CTNND2: variants seen among roughly 807,000 people sequenced by gnomAD.
The protein encoded by CTNND2 is catenin delta-2.
A neutral mutation model predicts 144.4 loss-of-function variants in CTNND2; 22 were observed. The ratio of observed to expected loss-of-function variants is 0.15; its 90% CI spans 0.11 to 0.22. The LOEUF (loss-of-function observed/expected upper bound fraction) is 0.22. CTNND2 is among the 10% of genes least tolerant of loss of function. CTNND2 has a pLI of 1.00. For missense variants in CTNND2, 1,353 were observed against 1,618.8 expected (o/e 0.84, Z 2.82); for synonymous variants, 751 against 695.6 (o/e 1.08, Z -1.25).
intron 10 of CTNND2, among the ~76,000 whole-genome samples, chr5:11,223,464 C>A (rs1190172558): frequency 6.6e-6 from 1 of 152,156 alleles, no homozygotes; most frequent in East Asian, 1.9e-4. Context: ...ATCCTTAGGC[C>A]CCATCTTCCC....
Position 11,238,065 on chromosome 5 carries a change from GTTTAAAATA to G in CTNND2, c.1629-1251_1629-1243del, listed in dbSNP as rs891708962. On this transcript the variant is annotated intron_variant, in intron 9 of 21. Coordinates refer to ENST00000304623, the MANE Select transcript of CTNND2 (RefSeq NM_001332.4). Reference sequence around the variant, plus strand: ...GCTGGTTGTCATCTTAAGCAATATGGTTTAAAATATTTAAGTCCATTCTAAAACATTATC... The same window carrying G: ...GCTGGTTGTCATCTTAAGCAATATGGTTTAAGTCCATTCTAAAACATTATC... Among the ~76,000 whole-genome samples the G allele has an allele frequency of 4.3e-4, 66 of 152,172 alleles. 1 individual carries two copies. Among genetic ancestry groups the G allele is most frequent in the African/African-American group, 1.5e-3 (63 of 41,510 alleles).
At chr5:11,369,788 C>G (rs1757298872) in intron 7 of CTNND2, among the ~76,000 whole-genome samples, 1 of 152,110 alleles carries the variant, frequency 6.6e-6, no homozygotes, top group African/African-American at 2.4e-5. Flanking sequence ...ATAGGGGGAT[C>G]AAGAAAGTTC....
chr5:11,564,657 G>A (rs1381682571), intron 3 of CTNND2, among the ~76,000 whole-genome samples: 1 of 151,706 alleles, frequency 6.6e-6, no homozygotes, highest in Admixed American at 6.6e-5. Flanking sequence ...CTGTGACTTG[G>A]CATCTCCTGA....
At chr5:11,031,902 A>G (rs1412944586) in intron 16 of CTNND2, among the ~76,000 whole-genome samples, 1 of 152,316 alleles carries the variant, frequency 6.6e-6, no homozygotes, top group East Asian at 1.9e-4. Flanking sequence ...TGAAGGCTGC[A>G]CTGTTGTCCT....
intron 2 of CTNND2, among the ~76,000 whole-genome samples, chr5:11,651,537 T>C (rs1185735550): frequency 2.6e-5 from 4 of 152,182 alleles, no homozygotes; most frequent in Non-Finnish European, 5.9e-5. Context: ...AGAACCAGAA[T>C]GGTAGATCCA....
intron 16 of CTNND2, among the ~76,000 whole-genome samples, chr5:11,025,271 A>T (rs566707703): frequency 6.6e-6 from 1 of 152,338 alleles, no homozygotes; most frequent in South Asian, 2.1e-4. Context: ...TTAAAAGTTT[A>T]CAATTCTTTT....
At chr5:11,289,135 C>T (rs1017170910) in intron 9 of CTNND2, among the ~76,000 whole-genome samples, 5 of 152,202 alleles carry the variant, frequency 3.3e-5, no homozygotes, top group African/African-American at 1.2e-4. Context: ...TAGCACAGGT[C>T]TCATGAGATC....
At chr5:11,264,194 T>C (rs1289116848) in intron 9 of CTNND2, among the ~76,000 whole-genome samples, 1 of 152,224 alleles carries the variant, frequency 6.6e-6, no homozygotes, top group African/African-American at 2.4e-5. Context: ...GATAGTCATT[T>C]GATATTATGG....
intron 3 of CTNND2, among the ~76,000 whole-genome samples, chr5:11,479,691 T>C (rs1451445635): frequency 6.6e-6 from 1 of 152,150 alleles, no homozygotes; most frequent in Non-Finnish European, 1.5e-5. Flanking sequence ...TCATAGCCAC[T>C]CTGACTGGTG....
At chr5:11,722,686 T>C (rs1786755894) in intron 2 of CTNND2, among the ~76,000 whole-genome samples, 2 of 152,148 alleles carry the variant, frequency 1.3e-5, no homozygotes, top group African/African-American at 4.8e-5. Context: ...GAAAGCCCCT[T>C]ATAAAACCAT....
At chr5:11,293,296 C>G (rs559381161) in intron 9 of CTNND2, among the ~76,000 whole-genome samples, 1 of 152,146 alleles carries the variant, frequency 6.6e-6, no homozygotes, top group Non-Finnish European at 1.5e-5. Flanking sequence ...TCATACAATT[C>G]CAGGGCATAA....
At chr5:11,617,458 A>T (rs1342849239) in intron 2 of CTNND2, among the ~76,000 whole-genome samples, 3 of 152,160 alleles carry the variant, frequency 2.0e-5, no homozygotes, top group African/African-American at 7.2e-5. Context: ...CTCATCCATC[A>T]TTCATTCATC....
rs1777231884 is a variant in CTNND2, at chr5:11,567,692, C to CT, written c.175-2637dup. 3.9e-5 allele frequency among the ~76,000 whole-genome samples: 6 copies of CT among 152,224 alleles called. No individual in the cohort carries two copies. In the South Asian group the frequency reaches 1.2e-3, roughly 32 times the overall value. ...ACATCTCTAAAAATTTCATTTGGGT[C>CT]TTTTTTGTATCATTCATGACTTTAT... On this transcript the variant is annotated intron_variant, in intron 2 of 21. Coordinates refer to ENST00000304623, the MANE Select transcript of CTNND2 (RefSeq NM_001332.4).
intron 1 of CTNND2, among the ~76,000 whole-genome samples, chr5:11,840,224 G>C (rs1444911220): frequency 6.6e-6 from 1 of 152,114 alleles, no homozygotes; most frequent in Non-Finnish European, 1.5e-5. Flanking sequence ...CAAAATCCAT[G>C]ATGCCTGTCT....
At chr5:11,424,359 C>T (rs1762604488) in intron 3 of CTNND2, among the ~76,000 whole-genome samples, 1 of 152,068 alleles carries the variant, frequency 6.6e-6, no homozygotes, top group Non-Finnish European at 1.5e-5. Flanking sequence ...AAAGGGGTAG[C>T]ACGGGGGAGA....
intron 2 of CTNND2, among the ~76,000 whole-genome samples, chr5:11,648,172 C>T (rs1387443848): frequency 7.6e-6 from 1 of 132,418 alleles, no homozygotes; most frequent in Non-Finnish European, 1.6e-5. Context: ...AGAACAGTGA[C>T]TTTTTTTTTT....
intron 1 of CTNND2, among the ~76,000 whole-genome samples, chr5:11,745,772 CT>C (rs1438256825): frequency 6.6e-6 from 1 of 152,172 alleles, no homozygotes; most frequent in African/African-American, 2.4e-5. Flanking sequence ...TACCAACCAT[CT>C]GATCACATAA....
At position 11,081,529 on chromosome 5, in the gene CTNND2, T is replaced by C. The variant is rs1178241590; in HGVS notation, c.2788+1167A>G. 3.9e-5 allele frequency among the ~76,000 whole-genome samples: 6 copies of C among 152,184 alleles called. No homozygotes were observed. The East Asian group carries it at 1.2e-3, about 29-fold the overall frequency. ...GCATCTCTAATTTAAAAATTCAAAA[T>C]TGGAAATGCTCATTGGAGCATCATG... On this transcript the variant is annotated intron_variant, in intron 16 of 21. Coordinates refer to ENST00000304623, the MANE Select transcript of CTNND2 (RefSeq NM_001332.4).
chr5:11,374,670 C>T (rs1757750546), intron 7 of CTNND2, among the ~76,000 whole-genome samples: 1 of 151,566 alleles, frequency 6.6e-6, no homozygotes, highest in Non-Finnish European at 1.5e-5. Context: ...CCCATCAGTG[C>T]AATATTCCAA....
Sources: allele counts gnomAD v4.1 joint callset (sites outside exome capture counted in the v4.1 genomes callset), GRCh38; gene constraint gnomAD v4.1.1; transcripts MANE v1.5; gene names NCBI Gene and HGNC (gene_info 2026-07-23, HGNC 2026-07-21).